Variants in RIC8B observed in about 807,000 individuals in gnomAD.
RIC8B encodes chaperone Ric-8B.
A neutral mutation model predicts 57.5 loss-of-function variants in RIC8B; 16 were observed. The observed-to-expected ratio is 0.28, with a 90% CI of 0.19 to 0.42. RIC8B has a LOEUF of 0.42. Ranked by LOEUF, RIC8B falls within the 10% of genes least tolerant of loss-of-function variation. The probability of loss-of-function intolerance (pLI) is 1.00; values close to 1 mark genes in which losing one functional copy is unlikely to be tolerated. For missense variants in RIC8B, 481 were observed against 677.0 expected (o/e 0.71, Z 3.21); for synonymous variants, 216 against 250.8 (o/e 0.86, Z 1.31).
chr12:106,802,534 A>ATTTTT (rs34706345), intron 2 of RIC8B, among the ~76,000 whole-genome samples: 1 of 102,192 alleles, frequency 9.8e-6, no homozygotes, highest in African/African-American at 3.8e-5. Context: ...CAATATGAGA[A>ATTTTT]TTTTTTTTTT....
At chr12:106,834,559 T>C (rs2046498124) in intron 4 of RIC8B, among the ~76,000 whole-genome samples, 1 of 152,196 alleles carries the variant, frequency 6.6e-6, no homozygotes, top group South Asian at 2.1e-4. Context: ...TATCTCAAGA[T>C]ACTTTGCATT....
At chr12:106,798,150 T>A in intron 2 of RIC8B, 1 of 581,496 alleles carries the variant, frequency 1.7e-6, no homozygotes, top group Non-Finnish European at 3.2e-6. Context: ...ATCGTAGATC[T>A]TTTTGATGCC....
intron 4 of RIC8B, among the ~76,000 whole-genome samples, chr12:106,834,472 G>T (rs1436601273): frequency 4.6e-5 from 7 of 152,094 alleles, no homozygotes; most frequent in Non-Finnish European, 8.8e-5. Flanking sequence ...GAGTGACCAG[G>T]AAGGAAGGAC....
intron 2 of RIC8B, among the ~76,000 whole-genome samples, chr12:106,791,292 CTG>C (rs2044249637): frequency 2.0e-5 from 3 of 152,258 alleles, no homozygotes; most frequent in East Asian, 3.9e-4. Context: ...TTTTTCTTTT[CTG>C]TTTTTTAAAC....
intron 8 of RIC8B, among the ~76,000 whole-genome samples, chr12:106,868,741 A>G (rs567224893): frequency 7.6e-5 from 11 of 144,884 alleles, no homozygotes; most frequent in Non-Finnish European, 1.3e-4. Context: ...ATAGCACACA[A>G]TGAGTGTCTA....
intron 4 of RIC8B, among the ~76,000 whole-genome samples, chr12:106,839,993 G>A (rs1398012552): frequency 1.3e-5 from 2 of 152,120 alleles, no homozygotes; most frequent in African/African-American, 4.8e-5. Flanking sequence ...ACTCTGGCCT[G>A]GGCAAGAGAC....
At chr12:106,834,689 A>C (rs974555493) in intron 4 of RIC8B, among the ~76,000 whole-genome samples, 6 of 152,192 alleles carry the variant, frequency 3.9e-5, no homozygotes. Context: ...AATAATAAAA[A>C]TAAAACTATT....
chr12:106,836,003 C>T (rs953407143), intron 4 of RIC8B, among the ~76,000 whole-genome samples: 11 of 152,158 alleles, frequency 7.2e-5, no homozygotes, highest in Middle Eastern at 3.2e-3. Context: ...TCCAGTTCAC[C>T]GAGGCTTTTA....
chr12:106,810,748 G>A, intron 2 of RIC8B, among the ~76,000 whole-genome samples: 1 of 152,194 alleles, frequency 6.6e-6, no homozygotes, highest in Non-Finnish European at 1.5e-5. Flanking sequence ...ACTCAGAGCA[G>A]GTTAGCAGAT....
intron 9 of RIC8B, among the ~76,000 whole-genome samples, chr12:106,881,938 A>G (rs1244573740): frequency 1.3e-5 from 2 of 152,162 alleles, no homozygotes; most frequent in Non-Finnish European, 1.5e-5. Context: ...CTTCAAATAC[A>G]GTAAGGGTGT....
intron 6 of RIC8B, among the ~76,000 whole-genome samples, chr12:106,849,028 A>G (rs1949339272): frequency 6.6e-6 from 1 of 152,112 alleles, no homozygotes; most frequent in Non-Finnish European, 1.5e-5. Context: ...ACAAAAATGT[A>G]CTTCAATAGA....
intron 7 of RIC8B, among the ~76,000 whole-genome samples, chr12:106,854,492 G>A (rs1949631314): frequency 6.6e-6 from 1 of 152,062 alleles, no homozygotes; most frequent in Non-Finnish European, 1.5e-5. Flanking sequence ...GGAACACAGA[G>A]ACTGCATTAA....
Position 106,843,834 on chromosome 12 carries a change from T to TC in RIC8B, c.1066-18_1066-17insC. 4 of 1,520,434 alleles carry TC rather than the reference T, an allele frequency of 2.6e-6. No homozygotes were observed. The highest frequency in any genetic ancestry group is 3.6e-6 in the Non-Finnish European group (4 of 1,105,556). The allele number at this position is 1,520,434 out of a possible 1,614,324, so 94.2% of individuals were successfully genotyped here. A position where few individuals can be genotyped will look rare whatever the true frequency, so the allele number is the denominator to read the frequency against. ...AAAACTAACGTATTTCAAAAACATA[T>TC]GGTTTTTTTTTTTATAGGGAAGCAG... On this transcript the variant is annotated splice_polypyrimidine_tract_variant and intron_variant, in intron 5 of 9. Transcript: ENST00000392837.
intron 7 of RIC8B, among the ~76,000 whole-genome samples, chr12:106,855,605 C>G (rs1400521922): frequency 6.6e-6 from 1 of 152,188 alleles, no homozygotes; most frequent in Non-Finnish European, 1.5e-5. Context: ...CTGTTGTCCA[C>G]TTCCTTTGTT....
At chr12:106,812,440 AGTTT>A (rs747903620) in intron 2 of RIC8B, among the ~76,000 whole-genome samples, 41 of 142,686 alleles carry the variant, frequency 2.9e-4, no homozygotes, top group Non-Finnish European at 5.1e-4. Flanking sequence ...TATTGCCTAT[AGTTT>A]GTTTTTTTTT....
intron 4 of RIC8B, among the ~76,000 whole-genome samples, chr12:106,827,577 G>GTA (rs1456354248): frequency 6.6e-6 from 1 of 152,102 alleles, no homozygotes; most frequent in South Asian, 2.1e-4. Flanking sequence ...TTATCTCAGT[G>GTA]TACTCCCTGC....
At chr12:106,813,649 A>G (rs572639352) in intron 2 of RIC8B, among the ~76,000 whole-genome samples, 1 of 152,324 alleles carries the variant, frequency 6.6e-6, no homozygotes, top group South Asian at 2.1e-4. Flanking sequence ...TTTCCTGACA[A>G]GATCACAATG....
At chr12:106,804,640 C>T (rs2044921148) in intron 2 of RIC8B, among the ~76,000 whole-genome samples, 1 of 152,212 alleles carries the variant, frequency 6.6e-6, no homozygotes, top group Admixed American at 6.5e-5. Flanking sequence ...GCACACAGTG[C>T]TTTGAAGATG....
chr12:106,864,769 T>TC (rs138672186), intron 8 of RIC8B, among the ~76,000 whole-genome samples: 1 of 152,298 alleles, frequency 6.6e-6, no homozygotes, highest in Non-Finnish European at 1.5e-5. Flanking sequence ...TATGCAACCA[T>TC]CACCACTATC....
Sources: gnomAD v4.1 joint callset for allele counts (sites outside exome capture counted in the v4.1 genomes callset) on GRCh38, gnomAD v4.1.1 for gene constraint, MANE v1.5 for transcripts, NCBI Gene and HGNC (gene_info 2026-07-23, HGNC 2026-07-21) for gene names.